IL7: variants seen among roughly 807,000 people sequenced by gnomAD.
The protein encoded by IL7 is interleukin-7.
IL7 carries 3 observed loss-of-function variants against 21.6 expected under a neutral mutation model. The observed-to-expected ratio is 0.14, with a 90% CI of 0.06 to 0.36. The LOEUF (loss-of-function observed/expected upper bound fraction) is 0.36, where lower values mean the gene tolerates loss of function less well. IL7 is among the 10% of genes least tolerant of loss of function. The probability of loss-of-function intolerance (pLI) is 1.00; values close to 1 mark genes in which losing one functional copy is unlikely to be tolerated. For missense variants in IL7, 175 were observed against 200.2 expected (o/e 0.87, Z 0.76); for synonymous variants, 62 against 68.1 (o/e 0.91, Z 0.44).
At chr8:78,799,318 T>C (rs746173345) in intron 1 of IL7, among the ~76,000 whole-genome samples, 1 of 152,136 alleles carries the variant, frequency 6.6e-6, no homozygotes, top group Non-Finnish European at 1.5e-5. Flanking sequence ...AGTAACATTG[T>C]CATCTATTAT....
intron 2 of IL7, among the ~76,000 whole-genome samples, chr8:78,769,649 A>G (rs1285411600): frequency 6.6e-6 from 1 of 152,218 alleles, no homozygotes; most frequent in Non-Finnish European, 1.5e-5. Context: ...CCATCAAGCT[A>G]CCAATGACTT....
chr8:78,731,964 G>T (rs1436174713), downstream of IL7, among the ~76,000 whole-genome samples: 5 of 151,948 alleles, frequency 3.3e-5, no homozygotes, highest in Admixed American at 3.3e-4. Flanking sequence ...CACTGTTAGG[G>T]AACATTATAG....
At chr8:78,763,393 A>G (rs1812643272) in intron 2 of IL7, among the ~76,000 whole-genome samples, 1 of 152,260 alleles carries the variant, frequency 6.6e-6, no homozygotes, top group Admixed American at 6.5e-5. Flanking sequence ...TTTTATTACC[A>G]TAAATTACTT....
chr8:78,680,165 G>A (rs1347438023), intron 4 of IL7, among the ~76,000 whole-genome samples: 4 of 151,814 alleles, frequency 2.6e-5, no homozygotes, highest in Non-Finnish European at 5.9e-5. Context: ...TGATTTCAAT[G>A]AATATTAGTC....
chr8:78,687,472 ATTTATATATAATTATATATG>A (rs1184329751), intron 3 of IL7, among the ~76,000 whole-genome samples: 2 of 145,452 alleles, frequency 1.4e-5, no homozygotes, highest in Non-Finnish European at 3.0e-5. Context: ...TTATATATAT[ATTTATATATAATTATATATG>A]TTTATATAAT....
chr8:78,797,488 A>C (rs1813897843), intron 2 of IL7, among the ~76,000 whole-genome samples: 1 of 152,030 alleles, frequency 6.6e-6, no homozygotes, highest in African/African-American at 2.4e-5. Flanking sequence ...AGAGAGAGAG[A>C]GAGCATATGG....
intron 2 of IL7, among the ~76,000 whole-genome samples, chr8:78,782,274 AT>A (rs935862230): frequency 6.6e-6 from 1 of 152,042 alleles, no homozygotes; most frequent in African/African-American, 2.4e-5. Flanking sequence ...TGTTGCGATC[AT>A]TTCAAGAAGA....
intron 3 of IL7, among the ~76,000 whole-genome samples, chr8:78,702,218 A>G (rs1304820507): frequency 6.6e-6 from 1 of 152,078 alleles, no homozygotes; most frequent in Non-Finnish European, 1.5e-5. Flanking sequence ...GGTGTCCAGG[A>G]ATTTATCCAT....
rs1243014597 is a variant in IL7 at position 78,744,747 on chromosome 8, A to T, written c.148-4665T>A. Reference sequence around the variant, plus strand: ...TTCCTGGTTCTCCAACATGTGCCTGAGCAGCTTCTCTGCCAAGACTCCCGT... The same window carrying T: ...TTCCTGGTTCTCCAACATGTGCCTGTGCAGCTTCTCTGCCAAGACTCCCGT... On this transcript the variant is annotated intron_variant, in intron 2 of 5. Coordinates refer to ENST00000263851, the MANE Select transcript of IL7 (RefSeq NM_000880.4). 2.6e-5 allele frequency among the ~76,000 whole-genome samples: 4 copies of T among 152,186 alleles called. No individual in the cohort carries two copies. The East Asian group carries it at 7.7e-4, about 29-fold the overall frequency.
At chr8:78,732,387 C>T (rs1183341279), downstream of IL7, among the ~76,000 whole-genome samples, 1 of 152,024 alleles carries the variant, frequency 6.6e-6, no homozygotes, top group Non-Finnish European at 1.5e-5. Flanking sequence ...GAAGGTGTTA[C>T]CAACACACAC....
chr8:78,675,312 G>A (rs569524861), downstream of IL7, among the ~76,000 whole-genome samples: 1 of 151,884 alleles, frequency 6.6e-6, no homozygotes, highest in African/African-American at 2.4e-5. Context: ...TTATAGCATT[G>A]TACTTTCTAT....
At chr8:78,740,235 A>T (rs990408458) in intron 2 of IL7, among the ~76,000 whole-genome samples, 153 bp from the exon 3 acceptor site, 7 of 152,196 alleles carry the variant, frequency 4.6e-5, no homozygotes, top group African/African-American at 1.7e-4. Flanking sequence ...AAGCATGAGG[A>T]ATCATTTTCT....
intron 2 of IL7, among the ~76,000 whole-genome samples, chr8:78,762,738 TTC>T (rs1036237559): frequency 1.3e-5 from 2 of 152,128 alleles, no homozygotes; most frequent in Admixed American, 6.5e-5. Flanking sequence ...TTATTTTGAA[TTC>T]TTTTTCAGGC....
intron 3 of IL7, among the ~76,000 whole-genome samples, chr8:78,692,688 A>T (rs930559198): frequency 3.3e-5 from 5 of 152,054 alleles, no homozygotes; most frequent in African/African-American, 9.7e-5. Context: ...TAGGATGGTT[A>T]TATAGCCACT....
At chr8:78,696,926 T>C (rs1057046386) in intron 3 of IL7, among the ~76,000 whole-genome samples, 2 of 152,210 alleles carry the variant, frequency 1.3e-5, no homozygotes, top group African/African-American at 4.8e-5. Context: ...TTGTTTGGTG[T>C]TTAAAATCTT....
intron 4 of IL7, among the ~76,000 whole-genome samples, chr8:78,681,363 A>C (rs1809770888): frequency 6.6e-6 from 1 of 152,234 alleles, no homozygotes; most frequent in Non-Finnish European, 1.5e-5. Flanking sequence ...AAAGAACAGC[A>C]GAACATCAGT....
At chr8:78,686,059 T>C (rs1809959399) in intron 3 of IL7, 1 of 152,394 alleles carries the variant, frequency 6.6e-6, no homozygotes, top group Non-Finnish European at 1.5e-5. Flanking sequence ...GCTACTGGGA[T>C]AATGGCATTA....
Position 78,761,278 on chromosome 8 carries a change from T to G in IL7, c.148-21196A>C, listed in dbSNP as rs1812547131. Reference sequence around the variant, plus strand: ...GGAAAAAAGAACAAACTTCCTCGATTGTTCCTAATGCAACAGATACTCCCA... The same window carrying G: ...GGAAAAAAGAACAAACTTCCTCGATGGTTCCTAATGCAACAGATACTCCCA... On this transcript the variant is annotated intron_variant, in intron 2 of 5. Transcript: ENST00000263851. 8.7e-6 allele frequency: 14 copies of G among 1,608,756 alleles called. No homozygotes were observed. In the South Asian group the frequency reaches 1.6e-4, roughly 18 times the overall value.
chr8:78,675,974 T>G (rs1452821540), exon 5 of IL7: 1 of 870,242 alleles, frequency 1.1e-6, no homozygotes, highest in Non-Finnish European at 1.8e-6. Flanking sequence ...GAAGAGTTAA[T>G]GGGTACTATT....
Sources: gnomAD v4.1 joint callset for allele counts (sites outside exome capture counted in the v4.1 genomes callset) on GRCh38, gnomAD v4.1.1 for gene constraint, MANE v1.5 for transcripts, NCBI Gene and HGNC (gene_info 2026-07-23, HGNC 2026-07-21) for gene names.